CDC42SE2: variants seen among roughly 807,000 people sequenced by gnomAD.
CDC42SE2 encodes the protein CDC42 small effector 2, also known as CDC42 small effector protein 2.
A neutral mutation model predicts 11.5 loss-of-function variants in CDC42SE2; 3 were observed. That is an observed-to-expected ratio of 0.26 (90% confidence interval 0.12 to 0.67). The LOEUF (loss-of-function observed/expected upper bound fraction) is 0.67. Among genes scored for constraint, CDC42SE2 ranks in the 30% least tolerant of loss-of-function variants. CDC42SE2 has a pLI of 0.80. For missense variants in CDC42SE2, 82 were observed against 106.8 expected (o/e 0.77, Z 1.02); for synonymous variants, 33 against 34.8 (o/e 0.95, Z 0.18).
intron 3 of CDC42SE2, among the ~76,000 whole-genome samples, chr5:131,381,741 C>G (rs1750333604): frequency 6.6e-6 from 1 of 152,222 alleles, no homozygotes; most frequent in Non-Finnish European, 1.5e-5. Flanking sequence ...TTGACCTCTT[C>G]TAACATGTTT....
rs114272397 is a variant in CDC42SE2 at position 131,266,939 on chromosome 5, A to G, written c.-455+2773A>G. On this transcript the variant is annotated intron_variant, in intron 1 of 4. Coordinates refer to ENST00000505065, the MANE Select transcript of CDC42SE2 (RefSeq NM_001375635.1). ...CAAGTAAATAAGGTGTGATGTGTTAAGTAAAAGTGTTTGGCTTTTTTTTTT... is the reference window on the plus strand; with the variant it reads ...CAAGTAAATAAGGTGTGATGTGTTAGGTAAAAGTGTTTGGCTTTTTTTTTT... Among the ~76,000 whole-genome samples, 952 of 147,014 alleles carry G rather than the reference A, an allele frequency of 6.5e-3. 9 individuals are homozygous for G. The highest frequency in any genetic ancestry group is 0.022 in the African/African-American group (875 of 39,584).
At chr5:131,252,337 A>G (rs1363595428) in intron 1 of CDC42SE2, among the ~76,000 whole-genome samples, 2 of 152,190 alleles carry the variant, frequency 1.3e-5, no homozygotes, top group Non-Finnish European at 2.9e-5. Flanking sequence ...TGCCTGGCTC[A>G]TTATCATATT....
rs7723945 is a variant in CDC42SE2 at position 131,366,558 on chromosome 5, T to G, written c.54+7011T>G. Among the ~76,000 whole-genome samples the G allele has an allele frequency of 4.9e-3, 745 of 152,248 alleles. 4 individuals carry two copies. Among genetic ancestry groups the G allele is most frequent in the African/African-American group, 0.016 (683 of 41,554 alleles). On this transcript the variant is annotated intron_variant, in intron 3 of 4. Coordinates refer to ENST00000505065, the MANE Select transcript of CDC42SE2 (RefSeq NM_001375635.1). ...TCAGTTCAGATTGGAGGGTTTTTTTTGTTTGTTTTTTTGTTTTTTTTACTA... is the reference window on the plus strand; with the variant it reads ...TCAGTTCAGATTGGAGGGTTTTTTTGGTTTGTTTTTTTGTTTTTTTTACTA...
intron 2 of CDC42SE2, among the ~76,000 whole-genome samples, chr5:131,348,536 G>A (rs1211002796): frequency 2.0e-5 from 3 of 152,084 alleles, no homozygotes; most frequent in Admixed American, 2.0e-4. Flanking sequence ...TGGATAGGAG[G>A]AATCAATATC....
intron 2 of CDC42SE2, among the ~76,000 whole-genome samples, chr5:131,256,747 C>A (rs983382644): frequency 1.3e-5 from 2 of 152,226 alleles, no homozygotes; most frequent in Non-Finnish European, 2.9e-5. Flanking sequence ...GGGCCCACCC[C>A]CATCTTCAAG....
At chr5:131,224,427 T>G in the CDC42SE2 span, among the ~76,000 whole-genome samples, 2 of 152,208 alleles carry the variant, frequency 1.3e-5, no homozygotes, top group Non-Finnish European at 2.9e-5. Flanking sequence ...TAGAGTTAGC[T>G]ATGAATCTTC....
chr5:131,343,057 G>A (rs570690699), intron 2 of CDC42SE2, among the ~76,000 whole-genome samples: 5 of 152,162 alleles, frequency 3.3e-5, no homozygotes, highest in African/African-American at 1.2e-4. Context: ...ATGTAAGAAG[G>A]CATTTTACAG....
chr5:131,268,297 A>G (rs1429916153), intron 1 of CDC42SE2, among the ~76,000 whole-genome samples: 2 of 151,898 alleles, frequency 1.3e-5, no homozygotes, highest in Admixed American at 1.3e-4. Context: ...TCTTGACCTC[A>G]GGTGATCCAC....
chr5:131,224,820 T>C, the CDC42SE2 span, among the ~76,000 whole-genome samples: 3 of 149,474 alleles, frequency 2.0e-5, no homozygotes, highest in Non-Finnish European at 4.5e-5. Flanking sequence ...CCGCAGCAGA[T>C]GCAGGAGCCA....
chr5:131,344,621 C>T (rs1758795517), intron 2 of CDC42SE2, among the ~76,000 whole-genome samples: 4 of 152,100 alleles, frequency 2.6e-5, no homozygotes, highest in African/African-American at 7.3e-5. Flanking sequence ...CACACTTAAA[C>T]GTCCCTGTCT....
At chr5:131,234,952 G>A in the CDC42SE2 span, among the ~76,000 whole-genome samples, 8 of 146,282 alleles carry the variant, frequency 5.5e-5, no homozygotes, top group East Asian at 4.1e-4. Flanking sequence ...GCAGTGGCAC[G>A]ATCTCGACTC....
intron 1 of CDC42SE2, among the ~76,000 whole-genome samples, chr5:131,279,245 C>A (rs1439359836): frequency 6.6e-6 from 1 of 152,096 alleles, no homozygotes; most frequent in Non-Finnish European, 1.5e-5. Context: ...TCATTTATTG[C>A]ATAAAATGTG....
At chr5:131,381,956 G>C (rs908986245) in intron 3 of CDC42SE2, among the ~76,000 whole-genome samples, 4 of 152,152 alleles carry the variant, frequency 2.6e-5, no homozygotes, top group Non-Finnish European at 5.9e-5. Context: ...CAACACAGTT[G>C]CTCCTTTCAG....
intron 1 of CDC42SE2, among the ~76,000 whole-genome samples, chr5:131,272,472 A>T (rs1169651559): frequency 6.6e-6 from 1 of 152,156 alleles, no homozygotes; most frequent in East Asian, 1.9e-4. Flanking sequence ...CGATCAGAAT[A>T]AAACTTTTAT....
the CDC42SE2 span, among the ~76,000 whole-genome samples, chr5:131,226,659 A>G: frequency 6.6e-6 from 1 of 152,212 alleles, no homozygotes; most frequent in Non-Finnish European, 1.5e-5. Flanking sequence ...GTAGGGGCTT[A>G]TGAATGAAGA....
chr5:131,220,111 C>A, the CDC42SE2 span, among the ~76,000 whole-genome samples: 1 of 152,186 alleles, frequency 6.6e-6, no homozygotes, highest in Non-Finnish European at 1.5e-5. Flanking sequence ...TGTAGGTTGT[C>A]AGCGCATAAT....
At chr5:131,323,884 G>A (rs1027575706) in intron 2 of CDC42SE2, among the ~76,000 whole-genome samples, 1 of 152,140 alleles carries the variant, frequency 6.6e-6, no homozygotes, top group South Asian at 2.1e-4. Flanking sequence ...TCAAGAGCAA[G>A]ATCAGTTGTT....
intron 2 of CDC42SE2, among the ~76,000 whole-genome samples, chr5:131,352,302 A>G (rs1001965881): frequency 2.0e-5 from 3 of 152,238 alleles, no homozygotes; most frequent in African/African-American, 7.2e-5. Flanking sequence ...AATATCCATC[A>G]AAAGATGGGT....
At chr5:131,260,627 A>G (rs1468685205), upstream of CDC42SE2, among the ~76,000 whole-genome samples, 2 of 147,282 alleles carry the variant, frequency 1.4e-5, no homozygotes, top group Non-Finnish European at 3.0e-5. Flanking sequence ...GCTCTCTCAA[A>G]AAAAAAAAAA....
Sources: allele counts gnomAD v4.1 joint callset (sites outside exome capture counted in the v4.1 genomes callset), GRCh38; gene constraint gnomAD v4.1.1; transcripts MANE v1.5; gene names NCBI Gene and HGNC (gene_info 2026-07-23, HGNC 2026-07-21).